HTR4: variants seen among roughly 807,000 people sequenced by gnomAD.
The protein encoded by HTR4 is 5-hydroxytryptamine (serotonin) receptor 4, G protein-coupled.
A neutral mutation model predicts 36.8 loss-of-function variants in HTR4; 16 were observed. That is an observed-to-expected ratio of 0.43 (90% confidence interval 0.29 to 0.66). The LOEUF (loss-of-function observed/expected upper bound fraction) is 0.66. Among genes scored for constraint, HTR4 ranks in the 30% least tolerant of loss-of-function variants. HTR4 has a pLI of 0.13. For missense variants in HTR4, 438 were observed against 490.9 expected (o/e 0.89, Z 1.02); for synonymous variants, 189 against 185.1 (o/e 1.02, Z -0.17).
intron 2 of HTR4, among the ~76,000 whole-genome samples, chr5:148,609,669 C>A (rs1055893221): frequency 6.6e-6 from 1 of 151,702 alleles, no homozygotes; most frequent in East Asian, 1.9e-4. Flanking sequence ...GGGTTCATGC[C>A]ATTCTCCTGC....
intron 6 of HTR4, among the ~76,000 whole-genome samples, chr5:148,505,059 G>C (rs2113761546): frequency 6.6e-6 from 1 of 152,238 alleles, no homozygotes; most frequent in African/African-American, 2.4e-5. Context: ...AATTCTACCA[G>C]AGGTACAAGG....
At chr5:148,494,023 A>G (rs906954290) in intron 6 of HTR4, among the ~76,000 whole-genome samples, 1 of 152,228 alleles carries the variant, frequency 6.6e-6, no homozygotes. Flanking sequence ...TTCCTCATCC[A>G]TGGGTAAAAA....
intron 2 of HTR4, chr5:148,629,408 C>T (rs1203213336): frequency 6.6e-6 from 1 of 152,180 alleles, no homozygotes; most frequent in Non-Finnish European, 1.5e-5. Context: ...AAGGCATACT[C>T]TTCTCACTTC....
intron 2 of HTR4, among the ~76,000 whole-genome samples, chr5:148,564,656 G>A (rs1225617476): frequency 6.6e-6 from 1 of 152,124 alleles, no homozygotes; most frequent in Non-Finnish European, 1.5e-5. Context: ...TCCTCGCTTT[G>A]AATTACAAGT....
chr5:148,528,891 T>G (rs750200971), intron 4 of HTR4, among the ~76,000 whole-genome samples: 6 of 151,908 alleles, frequency 3.9e-5, no homozygotes, highest in Admixed American at 1.3e-4. Flanking sequence ...CCAAGGGCTC[T>G]GCTCATTTGA....
At chr5:148,471,557 T>A (rs1200092328) in intron 5 of HTR4, among the ~76,000 whole-genome samples, 2 of 152,188 alleles carry the variant, frequency 1.3e-5, no homozygotes, top group Non-Finnish European at 2.9e-5. Flanking sequence ...AGAAATATTA[T>A]TTTTACAATG....
At chr5:148,510,118 A>C in intron 5 of HTR4, 94 bp from the exon 6 acceptor site, 1 of 767,676 alleles carries the variant, frequency 1.3e-6, no homozygotes, top group Non-Finnish European at 2.1e-6. Flanking sequence ...GAGTGTGAGA[A>C]AAGAAAAAGG....
chr5:148,605,420 G>A (rs910359109), intron 2 of HTR4, among the ~76,000 whole-genome samples: 12 of 151,378 alleles, frequency 7.9e-5, no homozygotes, highest in Admixed American at 2.0e-4. Flanking sequence ...CACCACACCC[G>A]GCTAATTTTT....
chr5:148,526,322 TC>T (rs1185427766), intron 4 of HTR4, among the ~76,000 whole-genome samples: 2 of 152,212 alleles, frequency 1.3e-5, no homozygotes. Context: ...AGTAAGAATA[TC>T]TTTTGTTTCA....
At chr5:148,502,968 G>A (rs1342074213) in intron 6 of HTR4, among the ~76,000 whole-genome samples, 4 of 152,160 alleles carry the variant, frequency 2.6e-5, no homozygotes, top group African/African-American at 9.7e-5. Context: ...AACAAACAAA[G>A]CCTCCAAGGA....
chr5:148,651,495 C>G (rs1046879645), intron 1 of HTR4, among the ~76,000 whole-genome samples: 2 of 152,032 alleles, frequency 1.3e-5, no homozygotes, highest in Non-Finnish European at 2.9e-5. Flanking sequence ...CCACCCACCC[C>G]CCGGACATTT....
At chr5:148,542,790 A>G (rs13359531) in intron 4 of HTR4, among the ~76,000 whole-genome samples, 24,065 of 152,122 alleles carry the variant, frequency 0.16, 3,446 homozygotes, top group African/African-American at 0.38. Context: ...AATATAGGGA[A>G]GACTTGGGGA....
chr5:148,454,903 T>C (rs1308958285), intron 5 of HTR4, among the ~76,000 whole-genome samples: 1 of 152,152 alleles, frequency 6.6e-6, no homozygotes, highest in Non-Finnish European at 1.5e-5. Context: ...GACTTATGTA[T>C]GAGTCTTCAA....
At chr5:148,497,248 A>G (rs932559625) in intron 6 of HTR4, among the ~76,000 whole-genome samples, 4 of 152,110 alleles carry the variant, frequency 2.6e-5, no homozygotes, top group African/African-American at 9.7e-5. Context: ...AGTGGAGTGC[A>G]GTGGCACAGT....
intron 2 of HTR4, among the ~76,000 whole-genome samples, chr5:148,555,297 C>A (rs763444614): frequency 6.6e-6 from 1 of 152,028 alleles, no homozygotes; most frequent in Non-Finnish European, 1.5e-5. Flanking sequence ...AGATTCAGAG[C>A]GTCTGTGATG....
Position 148,625,023 on chromosome 5 carries a change from T to G in HTR4, c.26+11966A>C, listed in dbSNP as rs142649347. Among the ~76,000 whole-genome samples the G allele has an allele frequency of 4.6e-3, 698 of 152,062 alleles. 4 individuals are homozygous for G. Among genetic ancestry groups the G allele is most frequent in the Non-Finnish European group, 7.7e-3 (523 of 67,974 alleles). The stretch of plus-strand genomic sequence containing the variant: ...ATTTGTATAGAGAGGTCTGGGAGCA[T>G]AGAGGGGAGGTCAGGAGGCTTGGGG... On this transcript the variant is annotated intron_variant, in intron 2 of 6. Transcript: ENST00000377888.
At chr5:148,544,508 G>A (rs1759288256) in intron 4 of HTR4, among the ~76,000 whole-genome samples, 1 of 151,896 alleles carries the variant, frequency 6.6e-6, no homozygotes, top group African/African-American at 2.4e-5. Flanking sequence ...GGTTTTCAAT[G>A]GCTGCCTTAT....
At chr5:148,460,489 T>C (rs531397370) in intron 5 of HTR4, among the ~76,000 whole-genome samples, 1 of 151,624 alleles carries the variant, frequency 6.6e-6, no homozygotes, top group Non-Finnish European at 1.5e-5. Context: ...GTGAAATGTT[T>C]AAAGTGTTGA....
chr5:148,621,697 C>T (rs759135472), intron 2 of HTR4, among the ~76,000 whole-genome samples: 11 of 152,096 alleles, frequency 7.2e-5, no homozygotes, highest in African/African-American at 2.4e-4. Context: ...ATTTGAAGAG[C>T]GATTCCATGG....
Sources: allele counts gnomAD v4.1 joint callset (sites outside exome capture counted in the v4.1 genomes callset), GRCh38; gene constraint gnomAD v4.1.1; transcripts MANE v1.5; gene names NCBI Gene and HGNC (gene_info 2026-07-23, HGNC 2026-07-21).